PTPRK: variants seen among roughly 807,000 people sequenced by gnomAD.
PTPRK encodes the protein protein tyrosine phosphatase receptor type K.
PTPRK carries 75 observed loss-of-function variants against 178.0 expected under a neutral mutation model. The observed-to-expected ratio is 0.42, with a 90% CI of 0.35 to 0.51. PTPRK has a LOEUF of 0.51. PTPRK is among the 20% of genes least tolerant of loss of function. PTPRK has a pLI of 0.02. For synonymous variants in PTPRK, 637 were observed against 620.6 expected, an observed-to-expected ratio of 1.03 and a Z score of -0.39; for missense variants, 1,441 against 1,797.8, an observed-to-expected ratio of 0.80 and a Z score of 3.59.
rs1056536562 is a variant in PTPRK at position 128,113,078 on chromosome 6, T to C, written c.1163-23086A>G. 6.6e-5 allele frequency among the ~76,000 whole-genome samples: 10 copies of C among 152,102 alleles called. 1 individual carries two copies. The highest frequency in any genetic ancestry group is 2.4e-4 in the African/African-American group (10 of 41,446). On this transcript the variant is annotated intron_variant, in intron 7 of 29. Coordinates refer to ENST00000368226, the MANE Select transcript of PTPRK (RefSeq NM_002844.4). ...CTGAAATTATCCATCCTCACGATTC[T>C]GAGACCTCATCAAGAGGAATGACAT... is the stretch of plus-strand genomic sequence containing the variant.
intron 1 of PTPRK, among the ~76,000 whole-genome samples, chr6:128,419,720 C>T (rs754145767): frequency 2.0e-5 from 3 of 152,168 alleles, no homozygotes; most frequent in Non-Finnish European, 2.9e-5. Flanking sequence ...TCTTGCTGTT[C>T]TGGGAACCTC....
chr6:128,331,710 G>A (rs762370367), intron 2 of PTPRK, among the ~76,000 whole-genome samples: 8 of 151,976 alleles, frequency 5.3e-5, no homozygotes, highest in Non-Finnish European at 1.2e-4. Context: ...GACAGTATGA[G>A]GCAAATATTA....
chr6:128,382,151 CAAAAAAAA>C (rs56321095), intron 2 of PTPRK, among the ~76,000 whole-genome samples: 14 of 75,662 alleles, frequency 1.9e-4, no homozygotes, highest in Non-Finnish European at 2.5e-4. Flanking sequence ...TACCCTATCT[CAAAAAAAA>C]AAAAAAAAAA....
intron 1 of PTPRK, among the ~76,000 whole-genome samples, chr6:128,434,072 A>C (rs1845203147): frequency 6.6e-6 from 1 of 151,876 alleles, no homozygotes; most frequent in Non-Finnish European, 1.5e-5. Flanking sequence ...TGACAAACCC[A>C]TCTTGATTCC....
At chr6:128,384,491 T>C (rs958346651) in intron 2 of PTPRK, among the ~76,000 whole-genome samples, 1 of 152,190 alleles carries the variant, frequency 6.6e-6, no homozygotes, top group African/African-American at 2.4e-5. Context: ...ATACTGGTGT[T>C]AGGCCACATT....
chr6:127,984,210 C>A (rs907343198), intron 22 of PTPRK, among the ~76,000 whole-genome samples: 10 of 152,090 alleles, frequency 6.6e-5, no homozygotes, highest in Admixed American at 6.6e-4. Flanking sequence ...GCATATGCGT[C>A]CTCTCAAACA....
At chr6:128,110,281 C>T (rs1790430439) in intron 7 of PTPRK, among the ~76,000 whole-genome samples, 1 of 152,054 alleles carries the variant, frequency 6.6e-6, no homozygotes, top group African/African-American at 2.4e-5. Context: ...ATTATGCACT[C>T]AAAGAATCAG....
intron 13 of PTPRK, chr6:128,063,371 C>T (rs995657794): frequency 6.6e-6 from 1 of 152,134 alleles, no homozygotes; most frequent in African/African-American, 2.4e-5. Context: ...ACAAACATCT[C>T]AGGCAAGAGC....
intron 1 of PTPRK, among the ~76,000 whole-genome samples, chr6:128,504,989 T>C (rs1174800821): frequency 6.6e-6 from 1 of 152,112 alleles, no homozygotes; most frequent in Non-Finnish European, 1.5e-5. Flanking sequence ...TTAGAACTGT[T>C]TCATATTTAA....
intron 7 of PTPRK, among the ~76,000 whole-genome samples, chr6:128,162,227 T>C (rs779494100): frequency 1.3e-4 from 19 of 151,706 alleles, no homozygotes; most frequent in Non-Finnish European, 2.8e-4. Context: ...ATTCAAGACA[T>C]AAATCTTACA....
chr6:128,483,453 T>A (rs1482080307), intron 1 of PTPRK, among the ~76,000 whole-genome samples: 1 of 152,156 alleles, frequency 6.6e-6, no homozygotes, highest in Non-Finnish European at 1.5e-5. Context: ...TTAATTTTGA[T>A]TTTTCATTTC....
Position 128,490,506 on chromosome 6 carries a change from C to T in PTPRK, c.100+29753G>A, listed in dbSNP as rs565318698. ...TGCCAGAGGCAGAATATGGTCATAC[C>T]GCCCAGGCCCCAATACTGGGAAGTT... On this transcript the variant is annotated intron_variant, in intron 1 of 29. Coordinates refer to ENST00000368226, the MANE Select transcript of PTPRK (RefSeq NM_002844.4). Among the ~76,000 whole-genome samples, 7 of 152,264 alleles carry T rather than the reference C, an allele frequency of 4.6e-5. No individual in the cohort carries two copies. In the South Asian group the frequency reaches 8.3e-4, roughly 18 times the overall value.
intron 1 of PTPRK, among the ~76,000 whole-genome samples, chr6:128,489,073 T>C (rs987717493): frequency 6.6e-6 from 1 of 152,252 alleles, no homozygotes; most frequent in African/African-American, 2.4e-5. Flanking sequence ...AAGCATACTT[T>C]AAAAAATAAT....
Position 128,082,070 on chromosome 6 carries a change from T to C in PTPRK, c.1777+367A>G, listed in dbSNP as rs531588474. Among the ~76,000 whole-genome samples the C allele has an allele frequency of 2.6e-5, 4 of 152,168 alleles. No homozygotes were observed. In the East Asian group the frequency reaches 7.7e-4, roughly 29 times the overall value. On this transcript the variant is annotated intron_variant, in intron 10 of 29. Coordinates refer to ENST00000368226, the MANE Select transcript of PTPRK (RefSeq NM_002844.4). ...TAGTACTATAATACTAGAGAAAGGA[T>C]CTTCTACCATTTTTTTGATAACATT...
chr6:128,306,589 T>G (rs1826414973), intron 3 of PTPRK, among the ~76,000 whole-genome samples: 1 of 151,042 alleles, frequency 6.6e-6, no homozygotes, highest in African/African-American at 2.4e-5. Flanking sequence ...AGGCCAGGAG[T>G]TCAAGGCTAG....
rs571019527 is a variant in PTPRK, at chr6:128,158,373, G to A, written c.1162+26059C>T. Among the ~76,000 whole-genome samples the A allele has an allele frequency of 2.1e-3, 315 of 151,722 alleles. 3 individuals are homozygous for A. The highest frequency in any genetic ancestry group is 7.1e-3 in the African/African-American group (295 of 41,396). ...ATGTATACATATGTAACAAACCTGC[G>A]CGTTGTGCACATGTACCCTAGAACT... On this transcript the variant is annotated intron_variant, in intron 7 of 29. Transcript: ENST00000368226.
Position 128,067,568 on chromosome 6 carries a change from G to A in PTPRK, c.2108C>T (p.Pro703Leu), listed in dbSNP as rs777523499. ...GAAATAGATGTTGTATCCTTTGCGC[G>A]GAGCCAAAGGAGGGTTCCAAAAGCC... Reference protein sequence around the residue: ...YQGFWNPPLAPRKGYNIYFQA... With the variant: ...YQGFWNPPLALRKGYNIYFQA... The change falls in exon 12 of 30, where the codon CCG (proline) becomes CTG (leucine). Residue 703 changes from proline (P) to leucine (L), a missense_variant. Coordinates refer to ENST00000368226, the MANE Select transcript of PTPRK (RefSeq NM_002844.4). 14 of 1,609,306 alleles carry A rather than the reference G, an allele frequency of 8.7e-6. No homozygotes were observed. The highest frequency in any genetic ancestry group is 2.2e-5 in the South Asian group (2 of 90,510).
intron 1 of PTPRK, among the ~76,000 whole-genome samples, chr6:128,484,455 T>C (rs1013747130): frequency 3.9e-5 from 6 of 152,192 alleles, no homozygotes; most frequent in African/African-American, 1.4e-4. Flanking sequence ...TAACCTTCAA[T>C]AAATTTCTAC....
intron 6 of PTPRK, among the ~76,000 whole-genome samples, chr6:128,188,895 C>T (rs1803230078): frequency 2.6e-5 from 4 of 152,162 alleles, no homozygotes; most frequent in Admixed American, 2.6e-4. Flanking sequence ...GATATGGATG[C>T]TTGTGATTGC....
Sources: gnomAD v4.1 joint callset for allele counts (sites outside exome capture counted in the v4.1 genomes callset) on GRCh38, gnomAD v4.1.1 for gene constraint, MANE v1.5 for transcripts, NCBI Gene and HGNC (gene_info 2026-07-23, HGNC 2026-07-21) for gene names.